The following EPHA6 variants were observed in gnomAD, a reference collection of about 807,000 sequenced individuals.
The protein encoded by EPHA6 is EPH receptor A6.
A neutral mutation model predicts 112.0 loss-of-function variants in EPHA6; 50 were observed. The observed-to-expected ratio is 0.45, with a 90% confidence interval of 0.36 to 0.56. The LOEUF (loss-of-function observed/expected upper bound fraction) is 0.56, where lower values mean the gene tolerates loss of function less well. Ranked by LOEUF, EPHA6 falls within the 20% of genes least tolerant of loss-of-function variation. The pLI is 0.00. For synonymous variants in EPHA6, 529 were observed against 490.7 expected (o/e 1.08, Z -1.03); for missense variants, 1,280 against 1,417.4 (o/e 0.90, Z 1.56).
At chr3:96,972,424 A>ACACAC (rs2042350080) in intron 2 of EPHA6, among the ~76,000 whole-genome samples, 3 of 144,756 alleles carry the variant, frequency 2.1e-5, no homozygotes, top group African/African-American at 7.5e-5. Context: ...CACACACACA[A>ACACAC]ACACACACAC....
chr3:97,432,456 T>C (rs1457170547), intron 6 of EPHA6, among the ~76,000 whole-genome samples: 1 of 152,132 alleles, frequency 6.6e-6, no homozygotes, highest in Non-Finnish European at 1.5e-5. Context: ...GAACTGACGT[T>C]TTATGTTACT....
intron 3 of EPHA6, among the ~76,000 whole-genome samples, chr3:97,022,297 C>T (rs968122441): frequency 1.3e-5 from 2 of 152,052 alleles, no homozygotes; most frequent in Non-Finnish European, 2.9e-5. Context: ...CCAGTAATCA[C>T]CCCAGCTATA....
At chr3:97,389,283 A>G (rs1046786148) in intron 5 of EPHA6, among the ~76,000 whole-genome samples, 2 of 152,220 alleles carry the variant, frequency 1.3e-5, no homozygotes, top group Non-Finnish European at 2.9e-5. Flanking sequence ...ACTTTATGGC[A>G]TAGGCACTAG....
chr3:96,941,845 G>A (rs1013231775), intron 2 of EPHA6, among the ~76,000 whole-genome samples: 1 of 152,202 alleles, frequency 6.6e-6, no homozygotes, highest in African/African-American at 2.4e-5. Context: ...AGGTCTGTTC[G>A]AGTTTGCTAG....
chr3:97,499,802 C>T (rs577695034), intron 10 of EPHA6, among the ~76,000 whole-genome samples: 1 of 152,244 alleles, frequency 6.6e-6, no homozygotes, highest in African/African-American at 2.4e-5. Context: ...AGAAGTTGCT[C>T]TGGATAAGTC....
chr3:97,385,097 A>G (rs916472763), intron 5 of EPHA6, among the ~76,000 whole-genome samples: 1 of 152,220 alleles, frequency 6.6e-6, no homozygotes, highest in Admixed American at 6.5e-5. Context: ...ACTGATGAGA[A>G]CTAGATCCAG....
chr3:97,434,837 CA>C (rs2089732753), intron 6 of EPHA6, among the ~76,000 whole-genome samples: 2 of 151,958 alleles, frequency 1.3e-5, no homozygotes, highest in South Asian at 4.1e-4. Context: ...AATGGCTAGG[CA>C]TCATCTCATC....
intron 3 of EPHA6, among the ~76,000 whole-genome samples, chr3:97,102,718 G>T (rs567565759): frequency 6.6e-6 from 1 of 152,026 alleles, no homozygotes; most frequent in African/African-American, 2.4e-5. Flanking sequence ...CTCAATAGTT[G>T]AACTAATTTA....
chr3:97,496,932 G>A (rs1560070899), intron 10 of EPHA6, among the ~76,000 whole-genome samples: 2 of 152,110 alleles, frequency 1.3e-5, no homozygotes, highest in African/African-American at 2.4e-5. Context: ...AGATTTGCAT[G>A]TTCTGTGTGG....
intron 3 of EPHA6, among the ~76,000 whole-genome samples, chr3:97,079,008 T>C (rs1276653972): frequency 6.6e-6 from 1 of 152,210 alleles, no homozygotes; most frequent in Admixed American, 6.6e-5. Context: ...GTCCCATTAC[T>C]GGGTATATAC....
At chr3:96,953,858 C>T (rs2041652396) in intron 2 of EPHA6, among the ~76,000 whole-genome samples, 1 of 151,730 alleles carries the variant, frequency 6.6e-6, no homozygotes, top group Admixed American at 6.6e-5. Context: ...GTCTCCTTTC[C>T]CCTGGACTAT....
chr3:97,157,720 G>C (rs1384821797), intron 3 of EPHA6, among the ~76,000 whole-genome samples: 1 of 152,066 alleles, frequency 6.6e-6, no homozygotes, highest in Admixed American at 6.6e-5. Context: ...GATGAGAAAA[G>C]ACCAGTGTCC....
At chr3:96,931,738 G>A (rs2040335981) in intron 2 of EPHA6, among the ~76,000 whole-genome samples, 1 of 152,202 alleles carries the variant, frequency 6.6e-6, no homozygotes, top group African/African-American at 2.4e-5. Flanking sequence ...GCCATTGGCT[G>A]GCTGGAATTT....
chr3:96,922,127 A>G (rs939600634), intron 2 of EPHA6, among the ~76,000 whole-genome samples: 1 of 152,180 alleles, frequency 6.6e-6, no homozygotes. Context: ...TGTACCAAAA[A>G]TTTGTAATTA....
At chr3:97,368,973 G>A (rs984552924) in intron 5 of EPHA6, among the ~76,000 whole-genome samples, 4 of 152,066 alleles carry the variant, frequency 2.6e-5, no homozygotes, top group African/African-American at 9.7e-5. Flanking sequence ...AAAGGTTAAA[G>A]AAAAAAGATC....
At chr3:97,579,630 A>G (rs1410597292) in intron 11 of EPHA6, among the ~76,000 whole-genome samples, 3 of 152,196 alleles carry the variant, frequency 2.0e-5, no homozygotes, top group South Asian at 2.1e-4. Context: ...GCCTCAGACA[A>G]TAAGACTGCA....
intron 2 of EPHA6, among the ~76,000 whole-genome samples, chr3:96,940,698 G>C (rs1252920916): frequency 1.3e-5 from 2 of 152,136 alleles, no homozygotes; most frequent in African/African-American, 4.8e-5. Flanking sequence ...TAGCCTTGAT[G>C]GTCTTTACAA....
chr3:97,615,472 G>A (rs147862606), intron 13 of EPHA6, among the ~76,000 whole-genome samples: 5 of 152,272 alleles, frequency 3.3e-5, no homozygotes, highest in East Asian at 1.9e-4. Context: ...GAGCAGCATC[G>A]GTCTGCAGGC....
chr3:97,475,052 T>C (rs2091330743), intron 7 of EPHA6, among the ~76,000 whole-genome samples: 1 of 152,072 alleles, frequency 6.6e-6, no homozygotes, highest in African/African-American at 2.4e-5. Flanking sequence ...ATCTGCTGAT[T>C]TAGTTTTACA....
Sources: allele counts gnomAD v4.1 joint callset (sites outside exome capture counted in the v4.1 genomes callset), GRCh38; gene constraint gnomAD v4.1.1; transcripts MANE v1.5; gene names NCBI Gene and HGNC (gene_info 2026-07-23, HGNC 2026-07-21).